Variants in KIF5C observed in about 807,000 individuals in gnomAD.
The protein encoded by KIF5C is kinesin family member 5C.
KIF5C carries 18 observed loss-of-function variants against 125.2 expected under a neutral mutation model. That is an observed-to-expected ratio of 0.14 (90% CI 0.10 to 0.21). The LOEUF is 0.21. Ranked by LOEUF, KIF5C falls within the 10% of genes least tolerant of loss-of-function variation. KIF5C has a pLI of 1.00. For synonymous variants in KIF5C, 405 were observed against 434.0 expected (o/e 0.93, Z 0.83); for missense variants, 780 against 1,183.8 (o/e 0.66, Z 5.01).
At chr2:149,015,452 G>T (rs1192224832) in intron 25 of KIF5C, among the ~76,000 whole-genome samples, 2 of 152,186 alleles carry the variant, frequency 1.3e-5, no homozygotes, top group East Asian at 1.9e-4. Flanking sequence ...GGGTAGAAAT[G>T]ATCTCAATTG....
At chr2:148,952,884 C>T (rs983469739) in intron 10 of KIF5C, among the ~76,000 whole-genome samples, 2 of 152,042 alleles carry the variant, frequency 1.3e-5, no homozygotes, top group African/African-American at 4.8e-5. Context: ...CACAGTATTG[C>T]GGCTTGAAAA....
In KIF5C at chr2:148,895,024, T is replaced by C. The variant is rs114141785; in HGVS notation, c.126+19281T>C. Reference sequence around the variant, plus strand: ...ATAATATATATAAAACAAAAAATTATGAGATGTTCTAAAGAAATTAACACC... The same window carrying C: ...ATAATATATATAAAACAAAAAATTACGAGATGTTCTAAAGAAATTAACACC... On this transcript the variant is annotated intron_variant, in intron 1 of 25. Transcript: ENST00000435030. Among the ~76,000 whole-genome samples the C allele has an allele frequency of 8.9e-3, 1,348 of 151,504 alleles. 13 individuals carry two copies. Among genetic ancestry groups the C allele is most frequent in the Middle Eastern group, 0.038 (11 of 286 alleles).
chr2:149,012,305 GA>G (rs1682231895), intron 25 of KIF5C, among the ~76,000 whole-genome samples: 1 of 152,228 alleles, frequency 6.6e-6, no homozygotes, highest in Admixed American at 6.5e-5. Context: ...AGCAGAGAGC[GA>G]AAACTGTCAT....
intron 1 of KIF5C, chr2:148,885,759 C>G (rs1681502209): frequency 6.6e-6 from 1 of 152,194 alleles, no homozygotes; most frequent in Admixed American, 6.5e-5. Flanking sequence ...AAAAAACAAA[C>G]CCCGGTGATT....
intron 13 of KIF5C, among the ~76,000 whole-genome samples, 163 bp downstream of exon 13, chr2:148,979,153 A>G (rs1681162718): frequency 6.6e-6 from 1 of 152,242 alleles, no homozygotes; most frequent in Non-Finnish European, 1.5e-5. Context: ...CAAGCTGATT[A>G]TCACTGAATT....
At chr2:148,918,730 TC>T (rs1257985900) in intron 1 of KIF5C, among the ~76,000 whole-genome samples, 1 of 152,066 alleles carries the variant, frequency 6.6e-6, no homozygotes, top group African/African-American at 2.4e-5. Context: ...GCAAAGAGGG[TC>T]TAATCTAAGA....
At position 148,994,403 on chromosome 2, in the gene KIF5C, C is replaced by T; in HGVS notation, c.1906-18C>T. 6.4e-7 allele frequency: 1 copy of T among 1,551,316 alleles called. No homozygotes were observed. Among genetic ancestry groups the T allele is most frequent in the South Asian group, 1.2e-5 (1 of 83,480 alleles). ...ACCACTTGCTAGTCATTCACTCTTC[C>T]TTTTTGCTTGTTTAAAGCACGAAGC... On this transcript the variant is annotated intron_variant, in intron 16 of 25. Transcript: ENST00000435030.
Position 148,981,349 on chromosome 2 carries a change from C to T in KIF5C, c.1363-6C>T, listed in dbSNP as rs1360403467. On this transcript the variant is annotated splice_region_variant and splice_polypyrimidine_tract_variant and intron_variant, in intron 13 of 25. Transcript: ENST00000435030. ...TCACAAGTTCCATGCCATCTCATTT[C>T]CCCAGCTTTTAGCTTCCACAAGAAG... 6.2e-7 allele frequency: 1 copy of T among 1,604,268 alleles called. No individual in the cohort carries two copies.
At chr2:148,933,458 C>A (rs1682219873) in intron 3 of KIF5C, among the ~76,000 whole-genome samples, 1 of 151,716 alleles carries the variant, frequency 6.6e-6, no homozygotes, top group Non-Finnish European at 1.5e-5. Context: ...ACCCCCCCCA[C>A]ATACATCGTA....
At chr2:148,884,926 A>G (rs1282410255) in intron 1 of KIF5C, among the ~76,000 whole-genome samples, 2 of 151,652 alleles carry the variant, frequency 1.3e-5, no homozygotes, top group Non-Finnish European at 2.9e-5. Context: ...AGGGCTAAGC[A>G]AGATTCCCAG....
rs372166177 is a variant in KIF5C, at chr2:148,917,574, G to T, written c.127-4563G>T. On this transcript the variant is annotated intron_variant, in intron 1 of 25. Coordinates refer to ENST00000435030, the MANE Select transcript of KIF5C (RefSeq NM_004522.3). Reference sequence around the variant, plus strand: ...GCATGGGTCATCGTGGTTGGTGATGGTGTTGGTGACAGTGTTAAGGTGACA... The same window carrying T: ...GCATGGGTCATCGTGGTTGGTGATGTTGTTGGTGACAGTGTTAAGGTGACA... 2.6e-5 allele frequency among the ~76,000 whole-genome samples: 4 copies of T among 152,310 alleles called. No individual in the cohort carries two copies. The East Asian group carries it at 5.8e-4, about 22-fold the overall frequency.
At chr2:149,001,450 G>A (rs1681849150) in intron 21 of KIF5C, among the ~76,000 whole-genome samples, 1 of 152,194 alleles carries the variant, frequency 6.6e-6, no homozygotes, top group Non-Finnish European at 1.5e-5. Context: ...GCTGAGGGAA[G>A]GACAGGGATA....
chr2:149,011,998 C>T (rs1189605858), intron 25 of KIF5C, among the ~76,000 whole-genome samples: 1 of 152,180 alleles, frequency 6.6e-6, no homozygotes, highest in Non-Finnish European at 1.5e-5. Context: ...TAATTGGCAT[C>T]CCAAAGGGCA....
At chr2:149,009,498 T>G (rs1682118121) in intron 23 of KIF5C, among the ~76,000 whole-genome samples, 1 of 151,932 alleles carries the variant, frequency 6.6e-6, no homozygotes, top group Non-Finnish European at 1.5e-5. Context: ...AACTTGAGAC[T>G]TGTGGTGGTC....
chr2:148,997,483 C>A, intron 18 of KIF5C, 143 bp downstream of exon 18: 3 of 1,447,938 alleles, frequency 2.1e-6, no homozygotes, highest in South Asian at 2.6e-5. Flanking sequence ...CATTCAGAGT[C>A]GATCTCAGAG....
Position 148,983,612 on chromosome 2 carries a change from T to C in KIF5C, c.1570-8T>C, listed in dbSNP as rs368088820. The C allele has an allele frequency of 1.3e-6, 2 of 1,545,100 alleles. No individual in the cohort carries two copies. The highest frequency in any genetic ancestry group is 1.8e-6 in the Non-Finnish European group (2 of 1,141,078). ...CCTTTGAATTTGTTGTTGAAATTTG[T>C]TTTTCAGACTACATTGACAACCACA... On this transcript the variant is annotated splice_polypyrimidine_tract_variant and splice_region_variant and intron_variant, in intron 14 of 25. Coordinates refer to ENST00000435030, the MANE Select transcript of KIF5C (RefSeq NM_004522.3).
rs1214772331 is a variant in KIF5C, at chr2:149,026,538, C to G, written c.*3468C>G. 5 of 152,600 alleles carry G rather than the reference C, an allele frequency of 3.3e-5. No individual in the cohort carries two copies. Among genetic ancestry groups the G allele is most frequent in the African/African-American group, 1.2e-4 (5 of 41,398 alleles). 9.5% of individuals were successfully genotyped at this position (152,600 alleles called of 1,614,324 possible). A position where few individuals can be genotyped will look rare whatever the true frequency, so the allele number is the denominator to read the frequency against. Reference sequence around the variant, plus strand: ...TCACATTAAAAAAATTGTGGACAAACTTGTCCGGGGGGTTTGAGGGGAGAA... The same window carrying G: ...TCACATTAAAAAAATTGTGGACAAAGTTGTCCGGGGGGTTTGAGGGGAGAA... On this transcript the variant is annotated 3_prime_UTR_variant, in exon 26 of 26. Transcript: ENST00000435030.
chr2:148,881,710 T>C lies in KIF5C; in HGVS notation c.126+5967T>C, dbSNP rs1681360240. Among the ~76,000 whole-genome samples, 2 of 151,534 alleles carry C rather than the reference T, an allele frequency of 1.3e-5. 1 individual carries two copies. The highest frequency in any genetic ancestry group is 4.9e-5 in the African/African-American group (2 of 40,838). On this transcript the variant is annotated intron_variant, in intron 1 of 25. Transcript: ENST00000435030. ...CCCCCTACCTTTGATTTCCCTTTAG[T>C]CCTTACCTCTAAATCATCGTGGTGA...
At chr2:148,929,149 T>G in intron 2 of KIF5C, 132 bp from the exon 3 acceptor site, 1 of 576,018 alleles carries the variant, frequency 1.7e-6, no homozygotes, top group Non-Finnish European at 3.0e-6. Flanking sequence ...AAAATTCACA[T>G]GGAGTTGAAA....
Sources: gnomAD v4.1 joint callset for allele counts (sites outside exome capture counted in the v4.1 genomes callset) on GRCh38, gnomAD v4.1.1 for gene constraint, MANE v1.5 for transcripts, NCBI Gene and HGNC (gene_info 2026-07-23, HGNC 2026-07-21) for gene names.